Variants in FNDC3A observed in about 807,000 individuals in gnomAD.
The protein encoded by FNDC3A is fibronectin type III domain containing 3A.
Under a neutral mutation model 148.9 loss-of-function variants are expected in FNDC3A, and 32 were observed. The observed-to-expected ratio is 0.21, with a 90% confidence interval of 0.16 to 0.29. FNDC3A has a LOEUF of 0.29. Ranked by LOEUF, FNDC3A falls within the 10% of genes least tolerant of loss-of-function variation. FNDC3A has a pLI of 1.00. For synonymous variants in FNDC3A, 472 were observed against 473.6 expected, an observed-to-expected ratio of 1.00 and a Z score of 0.04; for missense variants, 1,191 against 1,452.8, an observed-to-expected ratio of 0.82 and a Z score of 2.93.
intron 3 of FNDC3A, among the ~76,000 whole-genome samples, chr13:49,112,565 A>G (rs1396994058): frequency 1.3e-5 from 2 of 152,200 alleles, no homozygotes; most frequent in African/African-American, 4.8e-5. Flanking sequence ...AATTTTCCTT[A>G]GAGGCTTTAG....
intron 2 of FNDC3A, among the ~76,000 whole-genome samples, chr13:49,013,695 C>T (rs1952422387): frequency 6.7e-6 from 1 of 150,126 alleles, no homozygotes; most frequent in Admixed American, 6.6e-5. Flanking sequence ...GCGCTGCACC[C>T]ACTAACTCGT....
At chr13:49,097,647 T>G (rs1156592617) in intron 3 of FNDC3A, among the ~76,000 whole-genome samples, 1 of 152,094 alleles carries the variant, frequency 6.6e-6, no homozygotes, top group African/African-American at 2.4e-5. Context: ...TACAGCAGGA[T>G]GTGAACATTC....
intron 2 of FNDC3A, chr13:49,044,540 C>T (rs752655000): frequency 3.6e-5 from 6 of 168,914 alleles, no homozygotes; most frequent in Non-Finnish European, 6.3e-5. Context: ...TGTGGTGGCA[C>T]GTGCCTGTAG....
intron 1 of FNDC3A, among the ~76,000 whole-genome samples, chr13:48,981,502 A>G (rs1951694707): frequency 6.6e-6 from 1 of 151,498 alleles, no homozygotes; most frequent in Non-Finnish European, 1.5e-5. Flanking sequence ...TTAAGACCAG[A>G]GTTCAAGCTT....
chr13:48,991,713 A>AG (rs1264827694), intron 1 of FNDC3A, among the ~76,000 whole-genome samples: 1 of 152,036 alleles, frequency 6.6e-6, no homozygotes, highest in Non-Finnish European at 1.5e-5. Flanking sequence ...GGAAAAAAAA[A>AG]AGAGAGAGAA....
At chr13:49,000,019 TC>T (rs1337675312) in intron 1 of FNDC3A, among the ~76,000 whole-genome samples, 1 of 152,248 alleles carries the variant, frequency 6.6e-6, no homozygotes. Flanking sequence ...AATGTTTTCT[TC>T]CATTCCATAG....
In FNDC3A at chr13:49,110,276, G is replaced by T. The variant is rs1254695978; in HGVS notation, c.176-4379G>T. On this transcript the variant is annotated intron_variant, in intron 3 of 25. Coordinates refer to ENST00000492622, the MANE Select transcript of FNDC3A (RefSeq NM_001079673.2). ...ATGACTGTCACGTGACTCGGTCAAAGGATCTTTTCCTCTTACAGCCTTGCA... is the reference window on the plus strand; with the variant it reads ...ATGACTGTCACGTGACTCGGTCAAATGATCTTTTCCTCTTACAGCCTTGCA... 15 of 1,421,898 alleles carry T rather than the reference G, an allele frequency of 1.1e-5. No individual in the cohort carries two copies. The Admixed American group carries it at 1.8e-4, about 17-fold the overall frequency. 88.1% of individuals were successfully genotyped at this position (1,421,898 alleles called of 1,614,324 possible).
intron 1 of FNDC3A, among the ~76,000 whole-genome samples, chr13:49,005,597 A>G (rs1484177667): frequency 6.6e-6 from 1 of 151,910 alleles, no homozygotes; most frequent in Admixed American, 6.6e-5. Context: ...TGAAACTTCA[A>G]ACTTGAAGGT....
At chr13:49,144,613 T>C (rs572213367) in intron 7 of FNDC3A, among the ~76,000 whole-genome samples, 1 of 152,330 alleles carries the variant, frequency 6.6e-6, no homozygotes, top group Non-Finnish European at 1.5e-5. Context: ...TTATCTAATC[T>C]CTAGATTTTT....
At chr13:49,164,889 G>T (rs936094240) in intron 8 of FNDC3A, among the ~76,000 whole-genome samples, 13 of 152,164 alleles carry the variant, frequency 8.5e-5, no homozygotes, top group Admixed American at 1.3e-4. Context: ...GTCTCACTGG[G>T]TTATTTCCAG....
intron 25 of FNDC3A, among the ~76,000 whole-genome samples, chr13:49,206,612 A>G (rs1326841956): frequency 1.3e-5 from 2 of 152,188 alleles, no homozygotes; most frequent in African/African-American, 4.8e-5. Context: ...ATAGGCACCT[A>G]TAGAAAGCTC....
chr13:49,160,792 T>A (rs1480589336), intron 8 of FNDC3A, among the ~76,000 whole-genome samples: 1 of 151,674 alleles, frequency 6.6e-6, no homozygotes, highest in Admixed American at 6.6e-5. Flanking sequence ...CTGCTTTGAA[T>A]GTGTCCCAGA....
At chr13:49,005,039 C>T (rs1743518671) in intron 1 of FNDC3A, among the ~76,000 whole-genome samples, 1 of 151,730 alleles carries the variant, frequency 6.6e-6, no homozygotes, top group African/African-American at 2.4e-5. Context: ...AAAGAATATG[C>T]ATTTTCATGA....
intron 1 of FNDC3A, among the ~76,000 whole-genome samples, chr13:48,986,984 G>A (rs1194491706): frequency 6.6e-6 from 1 of 152,192 alleles, no homozygotes; most frequent in Middle Eastern, 3.2e-3. Context: ...TTTCTGTTGT[G>A]AATTTAGTTA....
chr13:49,154,200 A>C (rs1182735852), intron 8 of FNDC3A, among the ~76,000 whole-genome samples: 1 of 150,050 alleles, frequency 6.7e-6, no homozygotes, highest in Non-Finnish European at 1.5e-5. Flanking sequence ...CTCATTGAGC[A>C]GTGGTTTGTA....
At position 49,191,381 on chromosome 13, in the gene FNDC3A, G is replaced by C; in HGVS notation, c.2223G>C (p.Met741Ile). 1 of 1,587,606 alleles carries C rather than the reference G, an allele frequency of 6.3e-7. No individual in the cohort carries two copies. The highest frequency in any genetic ancestry group is 1.2e-5 in the South Asian group (1 of 85,974). The change falls in exon 19 of 26, where the codon ATG becomes ATC. Residue 741 changes from methionine (M) to isoleucine (I), a missense_variant. Coordinates refer to ENST00000492622, the MANE Select transcript of FNDC3A (RefSeq NM_001079673.2). Reference sequence around the variant, plus strand: ...TCAGACTACGTGCAGCTAACAAAATGGGGGTAAGAAGACTGTGCTGGTAGA... The same window carrying C: ...TCAGACTACGTGCAGCTAACAAAATCGGGGTAAGAAGACTGTGCTGGTAGA... The part of the protein sequence containing the change: ...YSFRLRAANK[M>I]GFGPFSEKCD...
chr13:49,105,874 A>G (rs1395905051), intron 3 of FNDC3A, among the ~76,000 whole-genome samples: 1 of 152,232 alleles, frequency 6.6e-6, no homozygotes, highest in Non-Finnish European at 1.5e-5. Context: ...CAATATGTAT[A>G]AGTCAGATGA....
At chr13:49,098,546 A>G (rs1266476418) in intron 3 of FNDC3A, among the ~76,000 whole-genome samples, 2 of 152,160 alleles carry the variant, frequency 1.3e-5, no homozygotes, top group Non-Finnish European at 2.9e-5. Context: ...GCAGCTTTCT[A>G]AACAAGTGCA....
chr13:48,990,707 AGCT>A (rs1272820487), intron 1 of FNDC3A, among the ~76,000 whole-genome samples: 15 of 151,874 alleles, frequency 9.9e-5, no homozygotes, highest in Non-Finnish European at 1.9e-4. Flanking sequence ...GATTGCAGTG[AGCT>A]GAGATCACAC....
Sources: gnomAD v4.1 joint callset for allele counts (sites outside exome capture counted in the v4.1 genomes callset) on GRCh38, gnomAD v4.1.1 for gene constraint, MANE v1.5 for transcripts, NCBI Gene and HGNC (gene_info 2026-07-23, HGNC 2026-07-21) for gene names.